KIF16B: variants seen among roughly 807,000 people sequenced by gnomAD.
KIF16B encodes the protein kinesin-like protein KIF16B.
KIF16B carries 98 observed loss-of-function variants against 156.3 expected under a neutral mutation model. That is an observed-to-expected ratio of 0.63 (90% CI 0.53 to 0.74). The LOEUF (loss-of-function observed/expected upper bound fraction) is 0.74, where lower values mean the gene tolerates loss of function less well. Ranked by LOEUF, KIF16B falls within the 30% of genes least tolerant of loss-of-function variation. The probability of loss-of-function intolerance (pLI) is 0.00; values close to 1 mark genes in which losing one functional copy is unlikely to be tolerated. For synonymous variants in KIF16B, 564 were observed against 583.7 expected (o/e 0.97, Z 0.49); for missense variants, 1,421 against 1,606.5 (o/e 0.88, Z 1.97).
intron 22 of KIF16B, among the ~76,000 whole-genome samples, chr20:16,357,203 T>C (rs2064460646): frequency 6.6e-6 from 1 of 152,212 alleles, no homozygotes; most frequent in Non-Finnish European, 1.5e-5. Flanking sequence ...GTAATAGCAA[T>C]AACAAAATAA....
intron 1 of KIF16B, among the ~76,000 whole-genome samples, chr20:16,572,065 G>A (rs1213669185): frequency 2.0e-5 from 3 of 152,184 alleles, no homozygotes; most frequent in Non-Finnish European, 2.9e-5. Flanking sequence ...ATGATGGAAT[G>A]TACACAGAAA....
Position 16,272,267 on chromosome 20 carries a change from ATAT to A in KIF16B, c.*983_*985del, listed in dbSNP as rs2062996315. On this transcript the variant is annotated 3_prime_UTR_variant, in exon 26 of 26. Coordinates refer to ENST00000354981, the MANE Select transcript of KIF16B (RefSeq NM_024704.5). ...TAGATAGAATTATATACATTTGAGT[ATAT>A]ACCACATACATATTTTTTCCACTCA... The A allele has an allele frequency of 6.6e-6, 1 of 152,652 alleles. No individual in the cohort carries two copies. The highest frequency in any genetic ancestry group is 1.5e-5 in the Non-Finnish European group (1 of 68,038). The allele number at this position is 152,652 out of a possible 1,614,324, so 9.5% of individuals were successfully genotyped here.
intron 1 of KIF16B, among the ~76,000 whole-genome samples, chr20:16,564,269 C>T (rs1174340298): frequency 1.3e-5 from 2 of 152,162 alleles, no homozygotes; most frequent in Non-Finnish European, 2.9e-5. Context: ...GGAACTCAAC[C>T]TTTTTTATGG....
Position 16,380,151 on chromosome 20 carries a change from T to C in KIF16B, c.1851A>G (p.Glu617=), listed in dbSNP as rs2065060563. The change falls in exon 19 of 26, where the codon GAA becomes GAG. Residue 617 remains glutamate, a synonymous_variant. Coordinates refer to ENST00000354981, the MANE Select transcript of KIF16B (RefSeq NM_024704.5). The part of the protein sequence containing the change: ...EKLESKRKLI[E]EMEEKQKSDK... ...CTGATTTCTGCTTTTCCTCCATTTC[T>C]TCTATGAGTTTCCTGAAATGCAAAG... 2 of 1,509,864 alleles carry C rather than the reference T, an allele frequency of 1.3e-6. No individual in the cohort carries two copies. Among genetic ancestry groups the C allele is most frequent in the Non-Finnish European group, 1.8e-6 (2 of 1,133,298 alleles). The allele number at this position is 1,509,864 out of a possible 1,614,324, so 93.5% of individuals were successfully genotyped here. A position where few individuals can be genotyped will look rare whatever the true frequency, so the allele number is the denominator to read the frequency against.
chr20:16,538,514 T>A (rs1382298170), intron 1 of KIF16B, among the ~76,000 whole-genome samples: 1 of 152,152 alleles, frequency 6.6e-6, no homozygotes, highest in African/African-American at 2.4e-5. Flanking sequence ...AGTAATTTAT[T>A]TGAAAGGTCT....
chr20:16,438,400 CTAT>C (rs1254188749), intron 12 of KIF16B, among the ~76,000 whole-genome samples: 1 of 151,934 alleles, frequency 6.6e-6, no homozygotes, highest in African/African-American at 2.4e-5. Flanking sequence ...TATCATTGCT[CTAT>C]TATTAGTTAT....
intron 12 of KIF16B, among the ~76,000 whole-genome samples, chr20:16,492,074 C>A (rs1305235910): frequency 2.6e-5 from 4 of 152,182 alleles, no homozygotes; most frequent in African/African-American, 7.2e-5. Flanking sequence ...AATAAACCAA[C>A]CTCATGGCTC....
intron 24 of KIF16B, among the ~76,000 whole-genome samples, chr20:16,322,677 A>G (rs893692039): frequency 1.3e-5 from 2 of 151,920 alleles, no homozygotes; most frequent in African/African-American, 4.8e-5. Context: ...ACACAGCCCA[A>G]TTTTCTTCTA....
At position 16,508,072 on chromosome 20, in the gene KIF16B, A is replaced by G; in HGVS notation, c.585T>C (p.Tyr195=). 6.2e-7 allele frequency: 1 copy of G among 1,614,124 alleles called. No individual in the cohort carries two copies. Among genetic ancestry groups the G allele is most frequent in the Non-Finnish European group, 8.5e-7 (1 of 1,179,988 alleles). The part of the protein sequence containing the change: ...EDLSKHLVQN[Y]GDVEELMDAG... ...CATCCATAAGTTCTTCTACGTCACC[A>G]TAATTCTGTACTAAATGTTTGGATA... The change falls in exon 7 of 26, where the codon TAT becomes TAC. Residue 195 remains tyrosine, a synonymous_variant. Transcript: ENST00000354981.
intron 3 of KIF16B, among the ~76,000 whole-genome samples, chr20:16,523,082 G>A (rs1358805607): frequency 1.3e-5 from 2 of 152,298 alleles, no homozygotes; most frequent in Admixed American, 1.3e-4. Context: ...ATATCATACT[G>A]AATGGGCAAA....
rs181010689 is a variant in KIF16B, at chr20:16,431,516, C to T, written c.1303-1534G>A. On this transcript the variant is annotated intron_variant, in intron 12 of 25. Transcript: ENST00000354981. Reference sequence around the variant, plus strand: ...GCGGTTCCTACTGCTTTTGTGGTTGCTGTTTCCTCTGTCACTGCTATCCTT... The same window carrying T: ...GCGGTTCCTACTGCTTTTGTGGTTGTTGTTTCCTCTGTCACTGCTATCCTT... 4.7e-4 allele frequency among the ~76,000 whole-genome samples: 72 copies of T among 152,250 alleles called. 2 individuals are homozygous for T. The East Asian group carries it at 0.013, about 27-fold the overall frequency.
chr20:16,550,942 G>A (rs545195961), intron 1 of KIF16B, among the ~76,000 whole-genome samples: 8 of 152,118 alleles, frequency 5.3e-5, no homozygotes, highest in African/African-American at 1.9e-4. Context: ...TTTTACATGA[G>A]AGCCTGGATT....
At chr20:16,299,064 T>C (rs1394381246) in intron 25 of KIF16B, among the ~76,000 whole-genome samples, 2 of 152,206 alleles carry the variant, frequency 1.3e-5, no homozygotes, top group Non-Finnish European at 1.5e-5. Context: ...TTTGTTTATG[T>C]TGAGAGATGA....
chr20:16,460,625 C>T (rs532893442), intron 12 of KIF16B, among the ~76,000 whole-genome samples: 33 of 151,716 alleles, frequency 2.2e-4, no homozygotes, highest in African/African-American at 8.0e-4. Flanking sequence ...AAAACAAAAA[C>T]CAAGGTCATT....
intron 12 of KIF16B, among the ~76,000 whole-genome samples, chr20:16,477,760 T>C (rs867924709): frequency 9.2e-5 from 14 of 152,128 alleles, no homozygotes; most frequent in Non-Finnish European, 1.5e-4. Context: ...CTACTATAAT[T>C]ATGGTTATTA....
At chr20:16,433,801 C>T (rs1003298027) in intron 12 of KIF16B, among the ~76,000 whole-genome samples, 2 of 152,080 alleles carry the variant, frequency 1.3e-5, no homozygotes, top group Non-Finnish European at 2.9e-5. Flanking sequence ...AAACTGGAAA[C>T]GAGGGTTTAA....
At chr20:16,447,117 AG>A (rs1225658228) in intron 12 of KIF16B, among the ~76,000 whole-genome samples, 3 of 152,124 alleles carry the variant, frequency 2.0e-5, no homozygotes, top group African/African-American at 7.2e-5. Context: ...AAATGAGAAA[AG>A]AGTTTAATAC....
chr20:16,474,486 T>C (rs1373346624), intron 12 of KIF16B, among the ~76,000 whole-genome samples: 1 of 152,234 alleles, frequency 6.6e-6, no homozygotes, highest in East Asian at 1.9e-4. Flanking sequence ...GTTAGTTTTA[T>C]TGAGGACAGC....
chr20:16,450,576 G>A (rs755979251), intron 12 of KIF16B, among the ~76,000 whole-genome samples: 2 of 152,110 alleles, frequency 1.3e-5, no homozygotes, highest in Admixed American at 1.3e-4. Context: ...AGTCCTCCAC[G>A]TCCCACGTGC....
Sources: allele counts gnomAD v4.1 joint callset (sites outside exome capture counted in the v4.1 genomes callset), GRCh38; gene constraint gnomAD v4.1.1; transcripts MANE v1.5; gene names NCBI Gene and HGNC (gene_info 2026-07-23, HGNC 2026-07-21).